Variants in SLC20A1 observed in about 807,000 individuals in gnomAD.
SLC20A1 encodes the protein solute carrier family 20 member 1.
SLC20A1 carries 28 observed loss-of-function variants against 62.7 expected under a neutral mutation model. That is an observed-to-expected ratio of 0.45 (90% CI 0.33 to 0.61). SLC20A1 has a LOEUF of 0.61. SLC20A1 is among the 20% of genes least tolerant of loss of function. The pLI is 0.02. For missense variants in SLC20A1, 673 were observed against 838.6 expected (o/e 0.80, Z 2.44); for synonymous variants, 305 against 302.9 (o/e 1.01, Z -0.07).
At chr2:112,658,531 G>C in intron 6 of SLC20A1, 1 of 300,742 alleles carries the variant, frequency 3.3e-6, no homozygotes, top group Non-Finnish European at 6.2e-6. Context: ...TATCTGTAAA[G>C]GGTTGTAAAA....
chr2:112,647,308 C>T lies in SLC20A1; in HGVS notation c.335-16C>T, dbSNP rs1686309673. The T allele has an allele frequency of 1.2e-6, 2 of 1,609,378 alleles. No homozygotes were observed. Among genetic ancestry groups the T allele is most frequent in the Non-Finnish European group, 8.5e-7 (1 of 1,178,056 alleles). Reference sequence around the variant, plus strand: ...GAATTTTGATATTTACTTAATAAAACTTTACTATGTTTCAGGTTCTGCTGT... The same window carrying T: ...GAATTTTGATATTTACTTAATAAAATTTTACTATGTTTCAGGTTCTGCTGT... On this transcript the variant is annotated splice_polypyrimidine_tract_variant and intron_variant, in intron 2 of 10. Coordinates refer to ENST00000272542, the MANE Select transcript of SLC20A1 (RefSeq NM_005415.5).
rs775722499 is a variant in SLC20A1 at position 112,658,949 on chromosome 2, A to G, written c.903A>G (p.Val301=). The change falls in exon 7 of 11, where the codon GTA becomes GTG. Residue 301 remains valine (V), a synonymous_variant. Transcript: ENST00000272542. ...DIENKHPVSE[V]GPATVPLQAV... The stretch of plus-strand genomic sequence containing the variant: ...AAAACAAGCATCCTGTTTCTGAGGT[A>G]GGGCCTGCCACTGTGCCCCTCCAGG... 2.5e-6 allele frequency: 4 copies of G among 1,614,248 alleles called. No homozygotes were observed. The highest frequency in any genetic ancestry group is 4.5e-5 in the East Asian group (2 of 44,894).
chr2:112,658,874 T>G lies in SLC20A1; in HGVS notation c.828T>G (p.Asn276Lys). The part of the protein sequence containing the change: ...PSESPLMEKK[N>K]SLKEDHEETK... Reference sequence around the variant, plus strand: ...AAAGCCCCTTAATGGAAAAAAAGAATAGCTTGAAAGAAGACCATGAAGAAA... The same window carrying G: ...AAAGCCCCTTAATGGAAAAAAAGAAGAGCTTGAAAGAAGACCATGAAGAAA... Residue 276 changes from asparagine to lysine, a missense_variant, in exon 7 of 11, where the codon AAT (asparagine) becomes AAG (lysine). Coordinates refer to ENST00000272542, the MANE Select transcript of SLC20A1 (RefSeq NM_005415.5). 1 of 1,613,904 alleles carries G rather than the reference T, an allele frequency of 6.2e-7. No individual in the cohort carries two copies. Among genetic ancestry groups the G allele is most frequent in the Non-Finnish European group, 8.5e-7 (1 of 1,179,928 alleles).
At chr2:112,652,481 G>T in intron 4 of SLC20A1, 1 of 570,122 alleles carries the variant, frequency 1.8e-6, no homozygotes, top group South Asian at 2.2e-5. Context: ...AGTTAGTCTT[G>T]TTATTAAAAG....
Position 112,662,959 on chromosome 2 carries a change from C to T in SLC20A1, c.1974C>T (p.Val658=). The change falls in exon 11 of 11, where the codon GTC becomes GTT. Residue 658 remains valine, a synonymous_variant. Coordinates refer to ENST00000272542, the MANE Select transcript of SLC20A1 (RefSeq NM_005415.5). Reference sequence around the variant, plus strand: ...TTTTTATGGCCTGGTTTGTCACAGTCCCCATTTCTGGAGTTATCAGTGCTG... The same window carrying T: ...TTTTTATGGCCTGGTTTGTCACAGTTCCCATTTCTGGAGTTATCAGTGCTG... ...RNIFMAWFVT[V]PISGVISAAI... The T allele has an allele frequency of 6.2e-7, 1 of 1,614,148 alleles. No individual in the cohort carries two copies. The highest frequency in any genetic ancestry group is 1.1e-5 in the South Asian group (1 of 91,076).
In SLC20A1 at chr2:112,660,371, T is replaced by A. The variant is rs368339680; in HGVS notation, c.1608-16T>A. On this transcript the variant is annotated splice_polypyrimidine_tract_variant and intron_variant, in intron 8 of 10. Transcript: ENST00000272542. Reference sequence around the variant, plus strand: ...TCTGCCTGAAAAGTCACTTCTGCCCTCTTTGTTTCTTCCAGCAATGCCATT... The same window carrying A: ...TCTGCCTGAAAAGTCACTTCTGCCCACTTTGTTTCTTCCAGCAATGCCATT... 3.1e-6 allele frequency: 5 copies of A among 1,611,942 alleles called. No homozygotes were observed. In the African/African-American group the frequency reaches 5.3e-5, roughly 17 times the overall value.
In SLC20A1 at chr2:112,647,917, TACTC is replaced by T. The variant is rs113266710; in HGVS notation, c.561+181_561+184del. ...GAGTTCTCTGAAAGCGAGTTTTTAATACTCAAGAGGGCAGTCAGGAAGGAAAAAT... is the reference window on the plus strand; with the variant it reads ...GAGTTCTCTGAAAGCGAGTTTTTAATAAGAGGGCAGTCAGGAAGGAAAAAT... On this transcript the variant is annotated intron_variant, in intron 4 of 10. Transcript: ENST00000272542. Among the ~76,000 whole-genome samples, 758 of 152,302 alleles carry T rather than the reference TACTC, an allele frequency of 5.0e-3. 4 individuals are homozygous for T. Among genetic ancestry groups the T allele is most frequent in the African/African-American group, 0.017 (689 of 41,548 alleles).
At chr2:112,652,486 TAAAAG>T in intron 4 of SLC20A1, 1 of 576,486 alleles carries the variant, frequency 1.7e-6, no homozygotes, top group South Asian at 2.2e-5. Flanking sequence ...GTCTTGTTAT[TAAAAG>T]AAAAAAGAAA....
chr2:112,663,510 G>T lies in SLC20A1; in HGVS notation c.*485G>T. 4.1e-6 allele frequency: 1 copy of T among 242,470 alleles called. No homozygotes were observed. Among genetic ancestry groups the T allele is most frequent in the Non-Finnish European group, 8.1e-6 (1 of 122,718 alleles). The allele number at this position is 242,470 out of a possible 1,614,324, so 15.0% of individuals were successfully genotyped here. Reference sequence around the variant, plus strand: ...AGTCTCTTATATAAGTAGAGTCCTTGGTACTCTGCCCTCCTGTCAGTAGTG... The same window carrying T: ...AGTCTCTTATATAAGTAGAGTCCTTTGTACTCTGCCCTCCTGTCAGTAGTG... On this transcript the variant is annotated 3_prime_UTR_variant, in exon 11 of 11. Transcript: ENST00000272542.
At chr2:112,659,834 TGTG>T in intron 8 of SLC20A1, 72 bp downstream of exon 8, 10 of 1,355,968 alleles carry the variant, frequency 7.4e-6, no homozygotes, top group South Asian at 1.4e-5. Context: ...GGCCTGTGCT[TGTG>T]GTAGTGGTAC....
chr2:112,659,915 G>C (rs1686701845), intron 8 of SLC20A1, among the ~76,000 whole-genome samples, 153 bp downstream of exon 8: 1 of 152,160 alleles, frequency 6.6e-6, no homozygotes, highest in Non-Finnish European at 1.5e-5. Flanking sequence ...GACATAATAA[G>C]ACAGTACAGT....
chr2:112,654,808 A>G (rs1416917798), intron 5 of SLC20A1, among the ~76,000 whole-genome samples: 3 of 150,744 alleles, frequency 2.0e-5, no homozygotes, highest in Non-Finnish European at 2.9e-5. Context: ...AGGCAGGAGA[A>G]TCACTTGAGC....
chr2:112,652,194 T>C (rs1048649873), intron 4 of SLC20A1: 3 of 157,540 alleles, frequency 1.9e-5, no homozygotes, highest in Admixed American at 1.2e-4. Context: ...CAATCAGTTA[T>C]TATCATTGAA....
chr2:112,655,011 C>G (rs2104646244), intron 5 of SLC20A1, among the ~76,000 whole-genome samples: 1 of 125,870 alleles, frequency 7.9e-6, no homozygotes, highest in South Asian at 2.7e-4. Context: ...CCCTGTCACT[C>G]AGGTTGGAGT....
chr2:112,651,355 C>G (rs1686429851), intron 4 of SLC20A1, among the ~76,000 whole-genome samples: 1 of 151,820 alleles, frequency 6.6e-6, no homozygotes, highest in South Asian at 2.1e-4. Flanking sequence ...AGGCTAAGGT[C>G]TTTATAAAGT....
At chr2:112,658,784 G>A (rs1574188818) in intron 6 of SLC20A1, 41 bp from the exon 7 acceptor site, 1 of 1,560,366 alleles carries the variant, frequency 6.4e-7, no homozygotes. Context: ...AAGTAGTATG[G>A]CCACAACCAA....
At position 112,647,001 on chromosome 2, in the gene SLC20A1, C is replaced by T. The variant is rs1686299891; in HGVS notation, c.173C>T (p.Thr58Ile). 6.2e-7 allele frequency: 1 copy of T among 1,613,948 alleles called. No individual in the cohort carries two copies. The highest frequency in any genetic ancestry group is 1.7e-5 in the Admixed American group (1 of 59,984). The part of the protein sequence containing the change: ...FGTAVGSGVV[T>I]LKQACILASI... ...ACAGCTGTGGGCTCAGGTGTAGTGA[C>T]CCTGAAGCAAGCCTGCATCCTAGCT... is the stretch of plus-strand genomic sequence containing the variant. The change falls in exon 2 of 11, where the codon ACC (threonine) becomes ATC (isoleucine). Residue 58 changes from threonine (T) to isoleucine (I), a missense_variant. Transcript: ENST00000272542.
At chr2:112,650,797 A>G (rs1378660120) in intron 4 of SLC20A1, among the ~76,000 whole-genome samples, 1 of 151,794 alleles carries the variant, frequency 6.6e-6, no homozygotes. Flanking sequence ...CTAACTTTTT[A>G]TATTTTATAG....
rs929357279 is a variant in SLC20A1, at chr2:112,655,213, C to T, written c.659-1909C>T. ...TGAACTCCCAACCTCAGGTGATCCA[C>T]GGACCTCAGCCTCCCAAAGTGCTGG... On this transcript the variant is annotated intron_variant, in intron 5 of 10. Coordinates refer to ENST00000272542, the MANE Select transcript of SLC20A1 (RefSeq NM_005415.5). Among the ~76,000 whole-genome samples the T allele has an allele frequency of 3.3e-5, 5 of 152,030 alleles. No individual in the cohort carries two copies. In the East Asian group the frequency reaches 7.8e-4, roughly 24 times the overall value.
Sources: allele counts gnomAD v4.1 joint callset (sites outside exome capture counted in the v4.1 genomes callset), GRCh38; gene constraint gnomAD v4.1.1; transcripts MANE v1.5; gene names NCBI Gene and HGNC (gene_info 2026-07-23, HGNC 2026-07-21).